ADAMTS7: variants seen among roughly 807,000 people sequenced by gnomAD.
The protein encoded by ADAMTS7 is ADAM metallopeptidase with thrombospondin type 1 motif 7.
A neutral mutation model predicts 172.6 loss-of-function variants in ADAMTS7; 89 were observed. The ratio of observed to expected loss-of-function variants is 0.52; its 90% CI spans 0.43 to 0.61. The LOEUF is 0.61. ADAMTS7 is among the 20% of genes least tolerant of loss of function. The probability of loss-of-function intolerance (pLI) is 0.00; values close to 1 mark genes in which losing one functional copy is unlikely to be tolerated. For missense variants in ADAMTS7, 1,973 were observed against 2,355.6 expected (o/e 0.84, Z 3.36); for synonymous variants, 885 against 978.4 (o/e 0.90, Z 1.78).
chr15:78,768,618 C>G (rs2055198700), intron 16 of ADAMTS7, among the ~76,000 whole-genome samples: 1 of 152,236 alleles, frequency 6.6e-6, no homozygotes, highest in Admixed American at 6.5e-5. Context: ...ACAATCCTGC[C>G]TCCTCCATGT....
rs902337989 is a variant in ADAMTS7, at chr15:78,762,021, T to C, written c.4903+382A>G. The stretch of plus-strand genomic sequence containing the variant: ...ACAGGCCAGGGCTGGGGACAGGGAC[T>C]CACCCAGGCCCAGTTTTCACACAGC... On this transcript the variant is annotated intron_variant, in intron 23 of 23. Transcript: ENST00000388820. 4 of 985,258 alleles carry C rather than the reference T, an allele frequency of 4.1e-6. No homozygotes were observed. In the Admixed American group the frequency reaches 2.5e-4, roughly 61 times the overall value. 61.0% of individuals were successfully genotyped at this position (985,258 alleles called of 1,614,324 possible).
At position 78,763,312 on chromosome 15, in the gene ADAMTS7, G is replaced by A. The variant is rs535970913; in HGVS notation, c.4740+387C>T. Among the ~76,000 whole-genome samples, 17 of 152,358 alleles carry A rather than the reference G, an allele frequency of 1.1e-4. No individual in the cohort carries two copies. In the South Asian group the frequency reaches 3.3e-3, roughly 30 times the overall value. On this transcript the variant is annotated intron_variant, in intron 22 of 23. Coordinates refer to ENST00000388820, the MANE Select transcript of ADAMTS7 (RefSeq NM_014272.5). ...GTTCCAAACAGGCCCAGCAGAAGGT[G>A]TCCTGCCCATCTGAGGCCCCTCTTA...
At position 78,800,293 on chromosome 15, in the gene ADAMTS7, C is replaced by A; in HGVS notation, c.355G>T (p.Ala119Ser). ...GCCGGGGTGTGGGCCCGGATGTGCG[C>A]GCGGCCCAGGCCGCCGCGCCGCCGC... ...ETRRRGGLGR[A>S]HIRAHTPACH... Residue 119 changes from alanine to serine, a missense_variant, in exon 2 of 24, where the codon GCG becomes TCG. Ala to Ser is a moderately conservative substitution (Grantham distance 99). This residue lies in a region of ADAMTS7 where 306 missense variants were observed against 288.0 expected (regional missense o/e 1.06). Coordinates refer to ENST00000388820, the MANE Select transcript of ADAMTS7 (RefSeq NM_014272.5). The A allele has an allele frequency of 1.3e-6, 2 of 1,591,534 alleles. No individual in the cohort carries two copies. The highest frequency in any genetic ancestry group is 1.7e-6 in the Non-Finnish European group (2 of 1,174,288).
At chr15:78,793,536 T>A (rs2055607411) in intron 4 of ADAMTS7, among the ~76,000 whole-genome samples, 1 of 152,070 alleles carries the variant, frequency 6.6e-6, no homozygotes, top group African/African-American at 2.4e-5. Context: ...CCCGTTTTAC[T>A]TTTTTTAACC....
chr15:78,789,619 A>T (rs1161511230), intron 7 of ADAMTS7, 70 bp downstream of exon 7: 17 of 1,579,426 alleles, frequency 1.1e-5, no homozygotes, highest in Admixed American at 1.8e-5. Context: ...CACAGGCTGG[A>T]TACCCGGTGC....
intron 16 of ADAMTS7, among the ~76,000 whole-genome samples, chr15:78,770,011 A>T (rs1232768232): frequency 6.6e-6 from 1 of 152,002 alleles, no homozygotes. Context: ...ATAATAAAAA[A>T]ATTAGCCGGG....
intron 11 of ADAMTS7, among the ~76,000 whole-genome samples, chr15:78,775,257 G>A (rs1384892704): frequency 5.9e-5 from 9 of 152,190 alleles, no homozygotes; most frequent in African/African-American, 1.7e-4. Flanking sequence ...CCCCCAGCCC[G>A]GGTCTAAAGG....
chr15:78,766,644 C>G lies in ADAMTS7; in HGVS notation c.3267G>C (p.Ala1089=). The change falls in exon 19 of 24, where the codon GCG becomes GCC. Residue 1089 remains alanine (A), a synonymous_variant. Transcript: ENST00000388820. ...GTGGGGGTGTCCGGTCCCCTGTCCC[C>G]GCCAGGTCTAGATCGGGCTCCTCAG... is the stretch of plus-strand genomic sequence containing the variant. ...GPSEEPDLDL[A]GTGDRTPPPH... 1 of 1,610,238 alleles carries G rather than the reference C, an allele frequency of 6.2e-7. No individual in the cohort carries two copies. Among genetic ancestry groups the G allele is most frequent in the African/African-American group, 1.3e-5 (1 of 74,974 alleles).
chr15:78,806,612 G>GT (rs2055801391), intron 1 of ADAMTS7, among the ~76,000 whole-genome samples: 2 of 151,994 alleles, frequency 1.3e-5, no homozygotes, highest in Admixed American at 6.6e-5. Context: ...GCCAGAAAAC[G>GT]TAAGGAAGGG....
At chr15:78,769,978 A>G (rs1172689338) in intron 16 of ADAMTS7, among the ~76,000 whole-genome samples, 2 of 152,152 alleles carry the variant, frequency 1.3e-5, no homozygotes, top group East Asian at 3.9e-4. Context: ...CCTGGCCAAC[A>G]TGGTGAAACC....
chr15:78,798,664 C>T (rs1296387581), intron 2 of ADAMTS7, among the ~76,000 whole-genome samples: 3 of 152,168 alleles, frequency 2.0e-5, no homozygotes, highest in Non-Finnish European at 2.9e-5. Flanking sequence ...TTCTCTGGGC[C>T]CAGGGCTGCC....
chr15:78,796,507 A>C, intron 4 of ADAMTS7, 83 bp downstream of exon 4: 3 of 1,483,784 alleles, frequency 2.0e-6, no homozygotes, highest in Non-Finnish European at 1.8e-6. Flanking sequence ...CCAGCCTGAC[A>C]GCCTTCCTGC....
At chr15:78,803,310 T>C (rs770426005) in intron 1 of ADAMTS7, among the ~76,000 whole-genome samples, 4 of 150,936 alleles carry the variant, frequency 2.7e-5, no homozygotes, top group Non-Finnish European at 5.9e-5. Flanking sequence ...CAGTGAGTCA[T>C]GATGGCGCCA....
intron 16 of ADAMTS7, 51 bp from the exon 17 acceptor site, chr15:78,768,310 C>T: frequency 6.2e-7 from 1 of 1,607,512 alleles, no homozygotes; most frequent in Non-Finnish European, 8.5e-7. Flanking sequence ...GCCCACCACC[C>T]AAGACCCAAA....
chr15:78,770,292 T>A (rs1371555842), intron 16 of ADAMTS7, among the ~76,000 whole-genome samples: 1 of 151,672 alleles, frequency 6.6e-6, no homozygotes, highest in Non-Finnish European at 1.5e-5. Context: ...TTTCACTTTG[T>A]CATCATAATA....
chr15:78,790,652 C>T lies in ADAMTS7; in HGVS notation c.1028+18G>A, dbSNP rs760856533. ...ACCTCCTGAGATGCAGGCTCCCACC[C>T]TCCTGCGGCTGCAGTACCTGGTGAG... On this transcript the variant is annotated intron_variant, in intron 6 of 23. Transcript: ENST00000388820. 10 of 1,612,602 alleles carry T rather than the reference C, an allele frequency of 6.2e-6. No individual in the cohort carries two copies. Among genetic ancestry groups the T allele is most frequent in the Non-Finnish European group, 8.5e-6 (10 of 1,179,724 alleles).
chr15:78,767,681 G>T, intron 17 of ADAMTS7, 89 bp from the exon 18 acceptor site: 1 of 1,271,490 alleles, frequency 7.9e-7, no homozygotes, highest in Non-Finnish European at 1.1e-6. Flanking sequence ...GGGCTTCCAG[G>T]CCCTCGGCAT....
At chr15:78,789,204 C>T (rs529179260) in intron 7 of ADAMTS7, among the ~76,000 whole-genome samples, 1 of 152,246 alleles carries the variant, frequency 6.6e-6, no homozygotes, top group Non-Finnish European at 1.5e-5. Flanking sequence ...TGGCTGGAGG[C>T]CTGTGAAGAC....
At position 78,765,748 on chromosome 15, in the gene ADAMTS7, A is replaced by C. The variant is rs2929158; in HGVS notation, c.4163T>G (p.Val1388Gly). 4 of 1,528,982 alleles carry C rather than the reference A, an allele frequency of 2.6e-6. No homozygotes were observed. The highest frequency in any genetic ancestry group is 3.6e-6 in the Non-Finnish European group (4 of 1,125,486). The allele number at this position is 1,528,982 out of a possible 1,614,324, so 94.7% of individuals were successfully genotyped here. A position where few individuals can be genotyped will look rare whatever the true frequency, so the allele number is the denominator to read the frequency against. The change falls in exon 19 of 24, where the codon GTC (valine) becomes GGC (glycine). Residue 1388 changes from valine to glycine, a missense_variant. Physicochemically the swap from Val to Gly is moderately radical, Grantham distance 109. This residue lies in a region of ADAMTS7 where 771 missense variants were observed against 952.6 expected (regional missense o/e 0.81). Coordinates refer to ENST00000388820, the MANE Select transcript of ADAMTS7 (RefSeq NM_014272.5). ...AWDSPANSHR[V>G]PETQPLAPSL... ...GGGAGCCAGCGGCTGGGTCTCAGGG[A>C]CTCTGTGGCTGTTGGCGGGGCTGTC...
Sources: allele counts gnomAD v4.1 joint callset (sites outside exome capture counted in the v4.1 genomes callset), GRCh38; gene constraint gnomAD v4.1.1; regional missense constraint gnomAD v4.1.1; transcripts MANE v1.5; gene names NCBI Gene and HGNC (gene_info 2026-07-23, HGNC 2026-07-21).